Variants in ATF7 observed in about 807,000 individuals in gnomAD.
The protein encoded by ATF7 is cyclic AMP-dependent transcription factor ATF-7.
A neutral mutation model predicts 50.4 loss-of-function variants in ATF7; 10 were observed. The ratio of observed to expected loss-of-function variants is 0.20; its 90% CI spans 0.12 to 0.34. The LOEUF is 0.34. ATF7 is among the 10% of genes least tolerant of loss of function. ATF7 has a pLI of 1.00. For missense variants in ATF7, 465 were observed against 613.9 expected (o/e 0.76, Z 2.56); for synonymous variants, 201 against 226.4 (o/e 0.89, Z 1.01).
intron 2 of ATF7, among the ~76,000 whole-genome samples, chr12:53,587,843 A>ATATATATTT: frequency 1.3e-3 from 83 of 61,562 alleles, no homozygotes; most frequent in African/African-American, 2.5e-3. Flanking sequence ...ATATATATAT[A>ATATATATTT]TTTTTTTTTT....
chr12:53,531,860 T>C lies in ATF7; in HGVS notation c.811A>G (p.Ile271Val), dbSNP rs1265971342. The C allele has an allele frequency of 6.2e-7, 1 of 1,613,640 alleles. No individual in the cohort carries two copies. The highest frequency in any genetic ancestry group is 1.7e-5 in the Admixed American group (1 of 59,986). ...KATLTHQVSS[I>V]NGGCGMVVGT... ...ACCACCATTCCACAACCACCATTGATTGAGGAGACTTGGTGAGTTAGGGTG... is the reference window on the plus strand; with the variant it reads ...ACCACCATTCCACAACCACCATTGACTGAGGAGACTTGGTGAGTTAGGGTG... Residue 271 changes from isoleucine to valine, a missense_variant, in exon 9 of 12, where the codon ATC becomes GTC. Physicochemically the swap from Ile to Val is conservative, Grantham distance 29. Transcript: ENST00000420353.
intron 1 of ATF7, among the ~76,000 whole-genome samples, chr12:53,606,802 G>A (rs1275594160): frequency 6.9e-6 from 1 of 144,980 alleles, no homozygotes; most frequent in Non-Finnish European, 1.5e-5. Flanking sequence ...CTATAAGTGA[G>A]AACATGCGGT....
intron 9 of ATF7, among the ~76,000 whole-genome samples, chr12:53,526,987 C>T (rs373256294): frequency 2.6e-5 from 4 of 151,726 alleles, no homozygotes; most frequent in South Asian, 2.1e-4. Context: ...GGTGAAACCC[C>T]GTCTCTACTA....
At chr12:53,523,104 G>A (rs1370254901) in intron 11 of ATF7, 172 bp downstream of exon 11, 4 of 568,320 alleles carry the variant, frequency 7.0e-6, no homozygotes, top group Non-Finnish European at 9.5e-6. Flanking sequence ...GCTCTATATC[G>A]TCTACAAAAA....
chr12:53,616,145 G>A (rs1002439979), intron 1 of ATF7, among the ~76,000 whole-genome samples: 5 of 152,114 alleles, frequency 3.3e-5, no homozygotes, highest in South Asian at 2.1e-4. Flanking sequence ...TGGGGCTGTG[G>A]CAAAACATGT....
chr12:53,565,302 G>T (rs1941384697), intron 2 of ATF7, among the ~76,000 whole-genome samples: 1 of 146,758 alleles, frequency 6.8e-6, no homozygotes. Context: ...AAAAAGATTA[G>T]TTTTTTTTTT....
At chr12:53,542,966 A>G in intron 4 of ATF7, 1 of 1,148,992 alleles carries the variant, frequency 8.7e-7, no homozygotes, top group Non-Finnish European at 1.1e-6. Flanking sequence ...AGCTCAGAAA[A>G]GAGTGGAATT....
At chr12:53,574,178 AC>A (rs1941927629) in intron 2 of ATF7, among the ~76,000 whole-genome samples, 1 of 152,352 alleles carries the variant, frequency 6.6e-6, no homozygotes, top group Non-Finnish European at 1.5e-5. Context: ...ACTATGATTA[AC>A]ACAACAACAT....
At chr12:53,595,004 T>C (rs1424136641) in intron 2 of ATF7, among the ~76,000 whole-genome samples, 1 of 152,306 alleles carries the variant, frequency 6.6e-6, no homozygotes, top group East Asian at 1.9e-4. Context: ...TGAAAGTTAC[T>C]GCAAAGTCAA....
At chr12:53,601,138 A>C (rs1291831565) in intron 1 of ATF7, 117 bp from the exon 2 acceptor site, 1 of 733,668 alleles carries the variant, frequency 1.4e-6, no homozygotes, top group African/African-American at 1.8e-5. Context: ...GCCATCTATC[A>C]AAGTTGTAAA....
At chr12:53,576,408 A>G (rs1305295844) in intron 2 of ATF7, among the ~76,000 whole-genome samples, 1 of 152,188 alleles carries the variant, frequency 6.6e-6, no homozygotes, top group African/African-American at 2.4e-5. Context: ...CTAATCACCA[A>G]TGTAACATTA....
intron 11 of ATF7, among the ~76,000 whole-genome samples, chr12:53,521,375 G>A (rs573583332): frequency 1.3e-5 from 2 of 152,174 alleles, no homozygotes; most frequent in East Asian, 3.9e-4. Context: ...TGACTGATGA[G>A]ACCCTACATA....
rs564350135 is a variant in ATF7, at chr12:53,599,950, GA to G, written c.48+1002del. ...AAGAAGAGTTAAGAAGATGCAAAATGAAAAAAAAAGGCGATTTCAACAAAAT... is the reference window on the plus strand; with the variant it reads ...AAGAAGAGTTAAGAAGATGCAAAATGAAAAAAAAGGCGATTTCAACAAAAT... On this transcript the variant is annotated intron_variant, in intron 2 of 11. Transcript: ENST00000420353. Among the ~76,000 whole-genome samples the G allele has an allele frequency of 7.7e-3, 1,138 of 148,332 alleles. 8 individuals carry two copies. The highest frequency in any genetic ancestry group is 0.018 in the African/African-American group (744 of 40,414).
In ATF7 at chr12:53,523,387, G is replaced by A; in HGVS notation, c.1126-3C>T. 6.2e-7 allele frequency: 1 copy of A among 1,601,592 alleles called. No individual in the cohort carries two copies. Among genetic ancestry groups the A allele is most frequent in the Non-Finnish European group, 8.6e-7 (1 of 1,168,848 alleles). The stretch of plus-strand genomic sequence containing the variant: ...TTGCGTAGTAATGTGACTTCATTCT[G>A]AGGAGGGAGGGAAGAAAAGAGTATC... On this transcript the variant is annotated splice_region_variant and splice_polypyrimidine_tract_variant and intron_variant, in intron 10 of 11. Coordinates refer to ENST00000420353, the MANE Select transcript of ATF7 (RefSeq NM_006856.3).
chr12:53,531,879 T>A lies in ATF7; in HGVS notation c.792A>T (p.Leu264=). The A allele has an allele frequency of 6.2e-7, 1 of 1,613,442 alleles. No homozygotes were observed. Among genetic ancestry groups the A allele is most frequent in the Non-Finnish European group, 8.5e-7 (1 of 1,179,774 alleles). Residue 264 remains leucine, a synonymous_variant, in exon 9 of 12, where the codon CTA becomes CTT. Coordinates refer to ENST00000420353, the MANE Select transcript of ATF7 (RefSeq NM_006856.3). ...CATTGATTGAGGAGACTTGGTGAGT[T>A]AGGGTGGCTTTCAGTCTCTGTGGGC... ...SEAKMRLKAT[L]THQVSSINGG... is the part of the protein sequence containing the mutation.
At chr12:53,556,987 G>T (rs1227661030) in intron 2 of ATF7, among the ~76,000 whole-genome samples, 1 of 150,398 alleles carries the variant, frequency 6.6e-6, no homozygotes, top group African/African-American at 2.4e-5. Flanking sequence ...TGAACTCCTG[G>T]GCTCAAATGA....
rs796070397 is a variant in ATF7 at position 53,572,066 on chromosome 12, C to CA, written c.49-19430dup. Among the ~76,000 whole-genome samples, 773 of 130,788 alleles carry CA rather than the reference C, an allele frequency of 5.9e-3. 6 individuals are homozygous for CA. The highest frequency in any genetic ancestry group is 0.011 in the Middle Eastern group (3 of 264). 85.8% of individuals were successfully genotyped at this position (130,788 alleles called of 152,430 possible). A position where few individuals can be genotyped will look rare whatever the true frequency, so the allele number is the denominator to read the frequency against. On this transcript the variant is annotated intron_variant, in intron 2 of 11. Coordinates refer to ENST00000420353, the MANE Select transcript of ATF7 (RefSeq NM_006856.3). ...TGGGATACAGAGCCAGACTCCATCT[C>CA]AAAAAAAAAAAAGAAAAAGTGTTTT...
At chr12:53,590,214 T>A (rs1016237813) in intron 2 of ATF7, among the ~76,000 whole-genome samples, 2 of 152,202 alleles carry the variant, frequency 1.3e-5, no homozygotes, top group Non-Finnish European at 2.9e-5. Flanking sequence ...AAACGTCCAT[T>A]TCTTTATGTA....
At chr12:53,572,433 G>C (rs913977755) in intron 2 of ATF7, among the ~76,000 whole-genome samples, 5 of 152,304 alleles carry the variant, frequency 3.3e-5, no homozygotes, top group Admixed American at 6.5e-5. Flanking sequence ...ACAAGTCTGA[G>C]AGTTAAAAAT....
Sources: gnomAD v4.1 joint callset for allele counts (sites outside exome capture counted in the v4.1 genomes callset) on GRCh38, gnomAD v4.1.1 for gene constraint, MANE v1.5 for transcripts, NCBI Gene and HGNC (gene_info 2026-07-23, HGNC 2026-07-21) for gene names.